TIFA: variants seen among roughly 807,000 people sequenced by gnomAD.
TIFA encodes TRAF-interacting protein with FHA domain-containing protein A.
For synonymous variants in TIFA, 75 were observed against 79.2 expected (o/e 0.95, Z 0.28); for missense variants, 186 against 215.2 (o/e 0.86, Z 0.85).
At chr4:112,284,290 A>AC (rs1197596212) in intron 1 of TIFA, among the ~76,000 whole-genome samples, 4 of 149,816 alleles carry the variant, frequency 2.7e-5, no homozygotes, top group African/African-American at 9.8e-5. Context: ...CCTGCAACAC[A>AC]ACACACACAC....
In TIFA at chr4:112,274,549, T is replaced by C. The variant is rs956660906; in HGVS notation, c.*3313A>G. Reference sequence around the variant, plus strand: ...ATAACAAAGCCTGTTATCTTAATAATATAAGTAATTAATTAAACAAGTGTT... The same window carrying C: ...ATAACAAAGCCTGTTATCTTAATAACATAAGTAATTAATTAAACAAGTGTT... On this transcript the variant is annotated 3_prime_UTR_variant, in exon 2 of 2. Coordinates refer to ENST00000361717, the MANE Select transcript of TIFA (RefSeq NM_052864.3). 1.3e-5 allele frequency: 2 copies of C among 152,142 alleles called. No individual in the cohort carries two copies. Among genetic ancestry groups the C allele is most frequent in the Non-Finnish European group, 2.9e-5 (2 of 68,024 alleles). The allele number at this position is 152,142 out of a possible 1,614,324, so 9.4% of individuals were successfully genotyped here.
At position 112,276,430 on chromosome 4, in the gene TIFA, A is replaced by T. The variant is rs1727113926; in HGVS notation, c.*1432T>A. ...TATTTTACTTCCATCTGCAGCCTTC[A>T]TTCCCCTTTGCCACATAACAACACA... On this transcript the variant is annotated 3_prime_UTR_variant, in exon 2 of 2. Coordinates refer to ENST00000361717, the MANE Select transcript of TIFA (RefSeq NM_052864.3). 6.5e-6 allele frequency: 1 copy of T among 153,118 alleles called. No individual in the cohort carries two copies. Among genetic ancestry groups the T allele is most frequent in the Non-Finnish European group, 1.5e-5 (1 of 68,094 alleles). The allele number at this position is 153,118 out of a possible 1,614,324, so 9.5% of individuals were successfully genotyped here. A position where few individuals can be genotyped will look rare whatever the true frequency, so the allele number is the denominator to read the frequency against.
Position 112,276,633 on chromosome 4 carries a change from C to T in TIFA, c.*1229G>A, listed in dbSNP as rs1727118965. Reference sequence around the variant, plus strand: ...TGGAATAGTCCCAGGGCTGGGGAGTCGGGGTTAGGGTGCTGGACATCACAT... The same window carrying T: ...TGGAATAGTCCCAGGGCTGGGGAGTTGGGGTTAGGGTGCTGGACATCACAT... On this transcript the variant is annotated 3_prime_UTR_variant, in exon 2 of 2. Transcript: ENST00000361717. 6.6e-6 allele frequency: 1 copy of T among 152,204 alleles called. No individual in the cohort carries two copies. 9.4% of individuals were successfully genotyped at this position (152,204 alleles called of 1,614,324 possible).
chr4:112,276,270 T>A lies in TIFA; in HGVS notation c.*1592A>T, dbSNP rs1255685981. On this transcript the variant is annotated 3_prime_UTR_variant, in exon 2 of 2. Transcript: ENST00000361717. The stretch of plus-strand genomic sequence containing the variant: ...GAGACTGTCCACATTCCTTGGCTCA[T>A]GACCTCCCCTTCCTCCCAGCAACAG... 5 of 153,300 alleles carry A rather than the reference T, an allele frequency of 3.3e-5. No individual in the cohort carries two copies. 9.5% of individuals were successfully genotyped at this position (153,300 alleles called of 1,614,324 possible).
intron 1 of TIFA, among the ~76,000 whole-genome samples, chr4:112,280,920 G>C (rs1443908903): frequency 6.6e-6 from 1 of 152,158 alleles, no homozygotes; most frequent in Non-Finnish European, 1.5e-5. Flanking sequence ...GCTAGGGGTG[G>C]TAAAACTTAC....
rs1042116902 is a variant in TIFA, at chr4:112,277,209, T to C, written c.*653A>G. ...ATTTGGTAAGTAAATAATCCTAAAC[T>C]TAACACAGTGGTTCTTTAAAATGTT... On this transcript the variant is annotated 3_prime_UTR_variant, in exon 2 of 2. Coordinates refer to ENST00000361717, the MANE Select transcript of TIFA (RefSeq NM_052864.3). 4 of 152,200 alleles carry C rather than the reference T, an allele frequency of 2.6e-5. No homozygotes were observed. The highest frequency in any genetic ancestry group is 5.9e-5 in the Non-Finnish European group (4 of 68,038). 9.4% of individuals were successfully genotyped at this position (152,200 alleles called of 1,614,324 possible). A position where few individuals can be genotyped will look rare whatever the true frequency, so the allele number is the denominator to read the frequency against.
chr4:112,282,202 C>T (rs886859104), intron 1 of TIFA, among the ~76,000 whole-genome samples: 9 of 152,194 alleles, frequency 5.9e-5, no homozygotes, highest in African/African-American at 2.2e-4. Flanking sequence ...ACTTGCTCCT[C>T]CTTGCCTTCT....
In TIFA at chr4:112,277,687, G is replaced by GCCGTAT; in HGVS notation, c.*174_*175insATACGG. ...TGTGTAGATCCAGAATACAACAGGT[G>GCCGTAT]ACTAAGTTAATGACTAACACAATTT... On this transcript the variant is annotated 3_prime_UTR_variant, in exon 2 of 2. Transcript: ENST00000361717. 6.8e-6 allele frequency: 3 copies of GCCGTAT among 441,764 alleles called. No homozygotes were observed. Among genetic ancestry groups the GCCGTAT allele is most frequent in the South Asian group, 6.7e-5 (1 of 14,874 alleles). 27.4% of individuals were successfully genotyped at this position (441,764 alleles called of 1,614,324 possible).
At chr4:112,284,387 C>T (rs4834254) in intron 1 of TIFA, among the ~76,000 whole-genome samples, 88,421 of 151,724 alleles carry the variant, frequency 0.58, 27,013 homozygotes, top group African/African-American at 0.77. Flanking sequence ...AAAGGGTGTT[C>T]GGCCTTAAAA....
chr4:112,282,018 G>A (rs983545856), intron 1 of TIFA, among the ~76,000 whole-genome samples: 2 of 152,168 alleles, frequency 1.3e-5, no homozygotes, highest in African/African-American at 2.4e-5. Context: ...TAGCTCCCAC[G>A]AGTCCCACAT....
In TIFA at chr4:112,277,855, T is replaced by C. The variant is rs757637989; in HGVS notation, c.*7A>G. The C allele has an allele frequency of 1.3e-6, 2 of 1,579,254 alleles. No individual in the cohort carries two copies. The highest frequency in any genetic ancestry group is 1.4e-5 in the African/African-American group (1 of 73,486). ...CCATCATATTTCTCCTCTTAGACTT[T>C]CTGTGTTCATGACTCATTTTCATCC... On this transcript the variant is annotated 3_prime_UTR_variant, in exon 2 of 2. Coordinates refer to ENST00000361717, the MANE Select transcript of TIFA (RefSeq NM_052864.3).
intron 1 of TIFA, among the ~76,000 whole-genome samples, chr4:112,279,795 T>A (rs138602210): frequency 3.3e-4 from 50 of 152,000 alleles, no homozygotes; most frequent in Non-Finnish European, 6.8e-4. Context: ...ACCTCCTGAG[T>A]AGCCGGGATT....
At chr4:112,283,983 A>G (rs373964876) in intron 1 of TIFA, among the ~76,000 whole-genome samples, 2 of 152,246 alleles carry the variant, frequency 1.3e-5, no homozygotes, top group East Asian at 1.9e-4. Flanking sequence ...AATATCTGAC[A>G]AACAATAATA....
Position 112,277,738 on chromosome 4 carries a change from A to C in TIFA, c.*124T>G. 3.0e-6 allele frequency: 3 copies of C among 1,015,224 alleles called. No individual in the cohort carries two copies. Among genetic ancestry groups the C allele is most frequent in the Non-Finnish European group, 4.0e-6 (3 of 749,320 alleles). The allele number at this position is 1,015,224 out of a possible 1,614,324, so 62.9% of individuals were successfully genotyped here. ...ACAGACTTCAAAATGATAATACTGA[A>C]TTCCAAATTTCACAGCATAACAGAT... On this transcript the variant is annotated 3_prime_UTR_variant, in exon 2 of 2. Transcript: ENST00000361717.
rs1319872422 is a variant in TIFA at position 112,285,774 on chromosome 4, C to T, written c.-153G>A. The T allele has an allele frequency of 1.3e-5, 2 of 152,316 alleles. No individual in the cohort carries two copies. Among genetic ancestry groups the T allele is most frequent in the Non-Finnish European group, 2.9e-5 (2 of 68,112 alleles). 9.4% of individuals were successfully genotyped at this position (152,316 alleles called of 1,614,324 possible). A position where few individuals can be genotyped will look rare whatever the true frequency, so the allele number is the denominator to read the frequency against. ...CTCCTCCGCGCGGGTAAGTGTGAGC[C>T]CCGGGGTGCGGGGAACCGAGCCAGG... On this transcript the variant is annotated 5_prime_UTR_variant, in exon 1 of 2. Coordinates refer to ENST00000361717, the MANE Select transcript of TIFA (RefSeq NM_052864.3).
chr4:112,283,200 T>C (rs140645727), intron 1 of TIFA, among the ~76,000 whole-genome samples: 556 of 152,240 alleles, frequency 3.7e-3, no homozygotes, highest in African/African-American at 0.012. Flanking sequence ...TCACAAACTT[T>C]AGCAGTTAAC....
chr4:112,274,723 A>ATTTT lies in TIFA; in HGVS notation c.*3135_*3138dup, dbSNP rs199498776. 1 of 151,664 alleles carries ATTTT rather than the reference A, an allele frequency of 6.6e-6. No homozygotes were observed. The highest frequency in any genetic ancestry group is 6.6e-5 in the Admixed American group (1 of 15,214). 9.4% of individuals were successfully genotyped at this position (151,664 alleles called of 1,614,324 possible). A position where few individuals can be genotyped will look rare whatever the true frequency, so the allele number is the denominator to read the frequency against. On this transcript the variant is annotated 3_prime_UTR_variant, in exon 2 of 2. Transcript: ENST00000361717. ...CATATATATTTATTTACACATATAAATTTTTTTTTAATGTAAAGCTTAAGT... is the reference window on the plus strand; with the variant it reads ...CATATATATTTATTTACACATATAAATTTTTTTTTTTTTAATGTAAAGCTTAAGT...
chr4:112,281,353 A>T (rs1037759608), intron 1 of TIFA, among the ~76,000 whole-genome samples: 3 of 152,180 alleles, frequency 2.0e-5, no homozygotes, highest in Non-Finnish European at 4.4e-5. Flanking sequence ...TTCTGAGCAA[A>T]TCAACCACAA....
rs773157188 is a variant in TIFA at position 112,277,808 on chromosome 4, C to A, written c.*54G>T. The A allele has an allele frequency of 4.7e-6, 7 of 1,488,416 alleles. No individual in the cohort carries two copies. Among genetic ancestry groups the A allele is most frequent in the Non-Finnish European group, 6.3e-6 (7 of 1,111,370 alleles). The allele number at this position is 1,488,416 out of a possible 1,614,324, so 92.2% of individuals were successfully genotyped here. ...AATCAACTCTTATTTAGTGTCTATA[C>A]AGCATCTACAGAGCTCTTCATCCAT... is the stretch of plus-strand genomic sequence containing the variant. On this transcript the variant is annotated 3_prime_UTR_variant, in exon 2 of 2. Transcript: ENST00000361717.
Sources: gnomAD v4.1 joint callset for allele counts (sites outside exome capture counted in the v4.1 genomes callset) on GRCh38, gnomAD v4.1.1 for gene constraint, MANE v1.5 for transcripts, NCBI Gene and HGNC (gene_info 2026-07-23, HGNC 2026-07-21) for gene names.